Variants in CCDC149 observed in about 807,000 individuals in gnomAD.
The protein encoded by CCDC149 is coiled-coil domain-containing protein 149.
A neutral mutation model predicts 59.9 loss-of-function variants in CCDC149; 45 were observed. The observed-to-expected ratio is 0.75, with a 90% CI of 0.59 to 0.96. The LOEUF is 0.96. Ranked by LOEUF, CCDC149 falls within the 40% of genes least tolerant of loss-of-function variation. The probability of loss-of-function intolerance (pLI) is 0.00; values close to 1 mark genes in which losing one functional copy is unlikely to be tolerated. For synonymous variants in CCDC149, 245 were observed against 260.6 expected (o/e 0.94, Z 0.58); for missense variants, 584 against 664.7 (o/e 0.88, Z 1.33).
At chr4:24,859,658 T>C (rs1410970068) in intron 3 of CCDC149, among the ~76,000 whole-genome samples, 1 of 152,172 alleles carries the variant, frequency 6.6e-6, no homozygotes, top group African/African-American at 2.4e-5. Flanking sequence ...AGTCAAACTG[T>C]TGCTGTTTGC....
chr4:24,806,302 C>G lies in CCDC149; in HGVS notation c.*2087G>C, dbSNP rs1022248785. On this transcript the variant is annotated 3_prime_UTR_variant, in exon 13 of 13. Transcript: ENST00000635206. ...TAAGACCCTCCCCGCTGACTACACA[C>G]AGTTTAGGTTATCACTCCTTATGAC... 3 of 152,336 alleles carry G rather than the reference C, an allele frequency of 2.0e-5. No individual in the cohort carries two copies. The highest frequency in any genetic ancestry group is 7.2e-5 in the African/African-American group (3 of 41,436). The allele number at this position is 152,336 out of a possible 1,614,324, so 9.4% of individuals were successfully genotyped here. A position where few individuals can be genotyped will look rare whatever the true frequency, so the allele number is the denominator to read the frequency against.
At chr4:24,874,548 C>T (rs375386411) in intron 2 of CCDC149, among the ~76,000 whole-genome samples, 8 of 152,170 alleles carry the variant, frequency 5.3e-5, no homozygotes, top group African/African-American at 1.7e-4. Flanking sequence ...CACCACTGCA[C>T]TCCAGCCTGG....
At chr4:24,815,113 G>A (rs141927753) in intron 12 of CCDC149, among the ~76,000 whole-genome samples, 307 of 152,260 alleles carry the variant, frequency 2.0e-3, no homozygotes, top group African/African-American at 7.0e-3. Context: ...TTGAATATAT[G>A]AACGATATAC....
At chr4:24,903,435 A>G (rs181450893) in intron 1 of CCDC149, among the ~76,000 whole-genome samples, 17 of 152,312 alleles carry the variant, frequency 1.1e-4, no homozygotes, top group African/African-American at 2.9e-4. Flanking sequence ...CAGAGCAAGG[A>G]CTTGGCGCTG....
At chr4:24,859,162 C>T (rs1718214199) in intron 3 of CCDC149, among the ~76,000 whole-genome samples, 1 of 152,162 alleles carries the variant, frequency 6.6e-6, no homozygotes, top group Non-Finnish European at 1.5e-5. Context: ...AGTTTGAGTA[C>T]ATAGCCATTC....
intron 4 of CCDC149, among the ~76,000 whole-genome samples, chr4:24,839,243 G>C (rs1005217677): frequency 6.6e-6 from 1 of 151,156 alleles, no homozygotes; most frequent in East Asian, 1.9e-4. Context: ...GCAGTGGCAC[G>C]ATCTTGGCTC....
intron 1 of CCDC149, among the ~76,000 whole-genome samples, chr4:24,963,934 G>A (rs1723719274): frequency 6.6e-6 from 1 of 152,182 alleles, no homozygotes; most frequent in South Asian, 2.1e-4. Context: ...GGCCAAGGTA[G>A]GAGGATCCCA....
At position 24,861,471 on chromosome 4, in the gene CCDC149, T is replaced by C. The variant is rs554382723; in HGVS notation, c.265-8292A>G. On this transcript the variant is annotated intron_variant, in intron 3 of 12. Transcript: ENST00000635206. Reference sequence around the variant, plus strand: ...GGCATAAGAATGAAACAATGGACTCTGGGGACTCGAAGGGAAGGGCGGGAT... The same window carrying C: ...GGCATAAGAATGAAACAATGGACTCCGGGGACTCGAAGGGAAGGGCGGGAT... Among the ~76,000 whole-genome samples the C allele has an allele frequency of 4.6e-5, 7 of 152,170 alleles. No homozygotes were observed. The East Asian group carries it at 1.4e-3, about 29-fold the overall frequency.
intron 1 of CCDC149, among the ~76,000 whole-genome samples, chr4:24,880,106 C>T (rs552997267): frequency 4.5e-4 from 68 of 152,304 alleles, no homozygotes; most frequent in African/African-American, 1.5e-3. Flanking sequence ...TCATGTAGTA[C>T]ATAACAACAC....
chr4:24,904,627 T>G (rs1006392996), intron 1 of CCDC149, among the ~76,000 whole-genome samples: 1 of 152,192 alleles, frequency 6.6e-6, no homozygotes, highest in African/African-American at 2.4e-5. Flanking sequence ...CAGAAGTGAC[T>G]TTACTACTTT....
At chr4:24,913,643 T>A (rs1722028721), upstream of CCDC149, among the ~76,000 whole-genome samples, 1 of 152,092 alleles carries the variant, frequency 6.6e-6, no homozygotes, top group Admixed American at 6.5e-5. Flanking sequence ...GAGAGAGGTG[T>A]CAAAGACAAA....
intron 1 of CCDC149, among the ~76,000 whole-genome samples, chr4:24,899,110 A>G (rs1721010397): frequency 6.6e-6 from 1 of 152,188 alleles, no homozygotes; most frequent in Admixed American, 6.5e-5. Context: ...TGGAGGAAAG[A>G]TCTTCCTAGA....
At chr4:24,838,830 G>C (rs1302095645) in intron 4 of CCDC149, among the ~76,000 whole-genome samples, 1 of 151,752 alleles carries the variant, frequency 6.6e-6, no homozygotes, top group Admixed American at 6.6e-5. Context: ...AACAATAGTG[G>C]AATGTTTAGC....
intron 1 of CCDC149, among the ~76,000 whole-genome samples, chr4:24,930,181 A>G (rs1560260039): frequency 6.6e-6 from 1 of 152,220 alleles, no homozygotes; most frequent in African/African-American, 2.4e-5. Context: ...TTAAACCTGC[A>G]TTAAATCTCC....
intron 1 of CCDC149, among the ~76,000 whole-genome samples, chr4:24,890,563 C>T (rs751582195): frequency 3.3e-5 from 5 of 152,198 alleles, no homozygotes; most frequent in Admixed American, 6.5e-5. Flanking sequence ...GAGTCTGTCC[C>T]ATTTGAAGAC....
intron 1 of CCDC149, among the ~76,000 whole-genome samples, chr4:24,947,867 T>C (rs1723164389): frequency 1.3e-5 from 2 of 152,210 alleles, no homozygotes; most frequent in African/African-American, 4.8e-5. Context: ...TGATGGATTA[T>C]GGCAGAGCCA....
At chr4:24,861,302 C>T (rs1027529646) in intron 3 of CCDC149, among the ~76,000 whole-genome samples, 1 of 151,000 alleles carries the variant, frequency 6.6e-6, no homozygotes, top group African/African-American at 2.4e-5. Flanking sequence ...TACTGCTCAG[C>T]CATAAAGAGG....
chr4:24,830,973 A>G (rs541791187), intron 9 of CCDC149: 18 of 153,618 alleles, frequency 1.2e-4, no homozygotes, highest in African/African-American at 4.3e-4. Context: ...TTTACACAAC[A>G]TAGTCAACAT....
intron 1 of CCDC149, among the ~76,000 whole-genome samples, chr4:24,905,406 C>CGTGTGTGTGT (rs1370768602): frequency 9.1e-6 from 1 of 110,342 alleles, no homozygotes; most frequent in African/African-American, 3.2e-5. Flanking sequence ...TTTCTTTTTG[C>CGTGTGTGTGT]GTGCGTGCGT....
Sources: gnomAD v4.1 joint callset for allele counts (sites outside exome capture counted in the v4.1 genomes callset) on GRCh38, gnomAD v4.1.1 for gene constraint, MANE v1.5 for transcripts, NCBI Gene and HGNC (gene_info 2026-07-23, HGNC 2026-07-21) for gene names.